FHIT: variants seen among roughly 807,000 people sequenced by gnomAD.
FHIT encodes bis(5'-adenosyl)-triphosphatase.
Under a neutral mutation model 17.9 loss-of-function variants are expected in FHIT, and 19 were observed. That is an observed-to-expected ratio of 1.06 (90% CI 0.74 to 1.56). The LOEUF is 1.56. Among genes scored for constraint, FHIT ranks in the 40% most tolerant of loss-of-function variants. The pLI is 0.00. For missense variants in FHIT, 248 were observed against 189.2 expected (o/e 1.31, Z -1.82); for synonymous variants, 81 against 69.7 (o/e 1.16, Z -0.81).
chr3:60,340,851 C>G (rs541059312), intron 5 of FHIT, among the ~76,000 whole-genome samples: 2 of 152,150 alleles, frequency 1.3e-5, no homozygotes, highest in East Asian at 3.9e-4. Flanking sequence ...GGGACCATGC[C>G]TGGCTAATTT....
Position 60,339,996 on chromosome 3 carries a change from T to C in FHIT, c.103+196864A>G, listed in dbSNP as rs76830763. On this transcript the variant is annotated intron_variant, in intron 5 of 9. Coordinates refer to ENST00000492590, the MANE Select transcript of FHIT (RefSeq NM_002012.4). ...ACAGATGGGTTTTGACACCTCTGGT[T>C]TGATTTTAAATGCAAACATGTCAAA... Among the ~76,000 whole-genome samples the C allele has an allele frequency of 4.3e-3, 648 of 152,306 alleles. 4 individuals are homozygous for C. Among genetic ancestry groups the C allele is most frequent in the African/African-American group, 0.014 (589 of 41,558 alleles).
chr3:60,998,669 T>A (rs1195132727), intron 3 of FHIT, among the ~76,000 whole-genome samples: 1 of 152,082 alleles, frequency 6.6e-6, no homozygotes, highest in Non-Finnish European at 1.5e-5. Flanking sequence ...GAATTAAAGG[T>A]TTATCATTTA....
At chr3:60,112,430 G>A (rs1704716463) in intron 5 of FHIT, among the ~76,000 whole-genome samples, 1 of 152,168 alleles carries the variant, frequency 6.6e-6, no homozygotes, top group South Asian at 2.1e-4. Context: ...TCATAGCGCT[G>A]CCACTGCTGC....
At chr3:60,501,448 C>G (rs13098699) in intron 5 of FHIT, among the ~76,000 whole-genome samples, 1 of 152,128 alleles carries the variant, frequency 6.6e-6, no homozygotes, top group African/African-American at 2.4e-5. Context: ...TACGCCAGCT[C>G]TTCCAATTAT....
At chr3:61,090,405 A>G (rs191889631) in intron 2 of FHIT, among the ~76,000 whole-genome samples, 7 of 152,308 alleles carry the variant, frequency 4.6e-5, no homozygotes, top group Admixed American at 4.6e-4. Context: ...TCCCAAGAGG[A>G]TTTTCCCCAA....
At chr3:60,135,733 T>C (rs184597918) in intron 5 of FHIT, among the ~76,000 whole-genome samples, 108 of 152,212 alleles carry the variant, frequency 7.1e-4, no homozygotes, top group Non-Finnish European at 9.3e-4. Flanking sequence ...TAGCAGAGAC[T>C]CCAATACCAT....
intron 5 of FHIT, among the ~76,000 whole-genome samples, chr3:60,162,328 G>A (rs983317777): frequency 2.0e-5 from 3 of 152,044 alleles, no homozygotes; most frequent in African/African-American, 7.2e-5. Context: ...ATAGTCACCT[G>A]CCTATTTAAG....
chr3:60,269,943 GAAGATTCTTTT>G (rs939083083), intron 5 of FHIT, among the ~76,000 whole-genome samples: 15 of 152,288 alleles, frequency 9.8e-5, no homozygotes, highest in African/African-American at 3.4e-4. Context: ...GGGTTGGTTA[GAAGATTCTTTT>G]AAGTATCTAT....
chr3:60,875,336 T>C (rs1553756155), intron 3 of FHIT, among the ~76,000 whole-genome samples: 1 of 152,212 alleles, frequency 6.6e-6, no homozygotes, highest in East Asian at 1.9e-4. Flanking sequence ...AATGTGTGAC[T>C]GACTATCCTA....
At chr3:60,029,901 G>GTGTGTGTGTGTGTGTGTGTGTGTC (rs1559562877) in intron 5 of FHIT, among the ~76,000 whole-genome samples, 1 of 143,052 alleles carries the variant, frequency 7.0e-6, no homozygotes, top group Non-Finnish European at 1.5e-5. Context: ...GTGTGTCTGT[G>GTGTGTGTGTGTGTGTGTGTGTGTC]TGTGTGTGTG....
chr3:60,806,331 T>C (rs576946889), intron 4 of FHIT, among the ~76,000 whole-genome samples: 3 of 152,274 alleles, frequency 2.0e-5, no homozygotes, highest in African/African-American at 7.2e-5. Flanking sequence ...TCCTGTGCAC[T>C]TTCTAGGAGG....
chr3:60,206,883 C>G (rs761290148), intron 5 of FHIT, among the ~76,000 whole-genome samples: 11 of 152,040 alleles, frequency 7.2e-5, no homozygotes, highest in Admixed American at 3.3e-4. Context: ...GTTGCAATTA[C>G]TATTCTAGTT....
At chr3:59,918,653 G>A (rs953409091) in intron 8 of FHIT, among the ~76,000 whole-genome samples, 2 of 152,154 alleles carry the variant, frequency 1.3e-5, no homozygotes, top group East Asian at 1.9e-4. Context: ...GAGAGAAGAG[G>A]AGCAGCCCAT....
intron 4 of FHIT, among the ~76,000 whole-genome samples, chr3:60,587,578 A>T (rs2037947842): frequency 6.6e-6 from 1 of 152,028 alleles, no homozygotes; most frequent in Non-Finnish European, 1.5e-5. Flanking sequence ...GGATAAAGAA[A>T]GGAATTTAGA....
intron 5 of FHIT, among the ~76,000 whole-genome samples, chr3:60,159,150 T>C (rs1700832502): frequency 6.6e-6 from 1 of 152,134 alleles, no homozygotes. Flanking sequence ...AAAGAGGGTC[T>C]CACTTTGTTG....
At chr3:60,563,599 G>T (rs1490824167) in intron 4 of FHIT, among the ~76,000 whole-genome samples, 2 of 152,210 alleles carry the variant, frequency 1.3e-5, no homozygotes, top group African/African-American at 4.8e-5. Flanking sequence ...TGCTACTCCA[G>T]TGAACACACA....
intron 1 of FHIT, among the ~76,000 whole-genome samples, chr3:61,206,086 A>T (rs910180707): frequency 4.7e-5 from 6 of 128,936 alleles, no homozygotes; most frequent in Non-Finnish European, 8.3e-5. Flanking sequence ...TCCTTTCCCC[A>T]TTGCTTGTTT....
intron 2 of FHIT, among the ~76,000 whole-genome samples, chr3:61,090,319 C>T (rs552189054): frequency 7.2e-5 from 11 of 152,198 alleles, no homozygotes; most frequent in Admixed American, 1.3e-4. Flanking sequence ...TGTTTATGAC[C>T]AAGGATTGTT....
chr3:60,823,886 G>T (rs1249794043), intron 3 of FHIT, among the ~76,000 whole-genome samples: 1 of 152,132 alleles, frequency 6.6e-6, no homozygotes, highest in Non-Finnish European at 1.5e-5. Context: ...AGAAATTCTA[G>T]GCAGAGGGAA....
Sources: gnomAD v4.1 joint callset for allele counts (sites outside exome capture counted in the v4.1 genomes callset) on GRCh38, gnomAD v4.1.1 for gene constraint, MANE v1.5 for transcripts, NCBI Gene and HGNC (gene_info 2026-07-23, HGNC 2026-07-21) for gene names.